The following CSNK1G1 variants were observed in gnomAD, a reference collection of about 807,000 sequenced individuals.
CSNK1G1 encodes casein kinase 1 gamma 1, also known as casein kinase I isoform gamma-1.
A neutral mutation model predicts 59.6 loss-of-function variants in CSNK1G1; 22 were observed. That is an observed-to-expected ratio of 0.37 (90% confidence interval 0.26 to 0.53). The LOEUF is 0.53. Among genes scored for constraint, CSNK1G1 ranks in the 20% least tolerant of loss-of-function variants. The pLI, the probability that CSNK1G1 is intolerant of heterozygous loss-of-function variation, is 0.89. For missense variants in CSNK1G1, 384 were observed against 519.5 expected, an observed-to-expected ratio of 0.74 and a Z score of 2.54; for synonymous variants, 179 against 177.1, an observed-to-expected ratio of 1.01 and a Z score of -0.08.
Position 64,189,964 on chromosome 15 carries a change from G to A in CSNK1G1, c.1108-9510C>T, listed in dbSNP as rs368803027. On this transcript the variant is annotated intron_variant, in intron 10 of 11. Coordinates refer to ENST00000303052, the MANE Select transcript of CSNK1G1 (RefSeq NM_022048.5). ...CTCCTGAGTAGTTGGGACTACAGGCGCGCAGCACCATGCCCGGCTAATTTT... is the reference window on the plus strand; with the variant it reads ...CTCCTGAGTAGTTGGGACTACAGGCACGCAGCACCATGCCCGGCTAATTTT... Among the ~76,000 whole-genome samples the A allele has an allele frequency of 8.5e-5, 13 of 152,130 alleles. No homozygotes were observed. The South Asian group carries it at 1.5e-3, about 17-fold the overall frequency.
At chr15:64,231,726 TC>T (rs1199790817) in intron 4 of CSNK1G1, among the ~76,000 whole-genome samples, 6 of 152,124 alleles carry the variant, frequency 3.9e-5, no homozygotes, top group Non-Finnish European at 8.8e-5. Flanking sequence ...AAACCTTTTC[TC>T]TTTCTCAAAA....
intron 1 of CSNK1G1, among the ~76,000 whole-genome samples, chr15:64,308,409 T>G (rs916312387): frequency 6.7e-6 from 1 of 148,540 alleles, no homozygotes; most frequent in Non-Finnish European, 1.5e-5. Flanking sequence ...CCACTAGTTA[T>G]ATACACATTT....
At chr15:64,334,393 AC>A (rs1165129981) in intron 1 of CSNK1G1, among the ~76,000 whole-genome samples, 1 of 151,830 alleles carries the variant, frequency 6.6e-6, no homozygotes, top group East Asian at 1.9e-4. Flanking sequence ...TTTTCCACAG[AC>A]TGGGGGTGGA....
At chr15:64,269,696 G>T (rs1205418030) in intron 2 of CSNK1G1, among the ~76,000 whole-genome samples, 1 of 152,072 alleles carries the variant, frequency 6.6e-6, no homozygotes, top group African/African-American at 2.4e-5. Context: ...GTTTTGCCAT[G>T]TTGGCCAGAC....
intron 1 of CSNK1G1, among the ~76,000 whole-genome samples, chr15:64,339,738 C>T (rs1161133673): frequency 6.6e-6 from 1 of 152,226 alleles, no homozygotes; most frequent in African/African-American, 2.4e-5. Flanking sequence ...AGCAGTAGTG[C>T]CCACTGACAA....
chr15:64,275,930 A>G (rs1337351676), intron 2 of CSNK1G1, among the ~76,000 whole-genome samples: 3 of 152,214 alleles, frequency 2.0e-5, no homozygotes, highest in Non-Finnish European at 2.9e-5. Context: ...TCTAAAAAGC[A>G]GTTTCAATTA....
At chr15:64,244,826 GA>G (rs903983693) in intron 4 of CSNK1G1, among the ~76,000 whole-genome samples, 15 of 149,308 alleles carry the variant, frequency 1.0e-4, no homozygotes, top group African/African-American at 3.7e-4. Flanking sequence ...TCAAGGCGGG[GA>G]AAAAAAAACA....
intron 10 of CSNK1G1, among the ~76,000 whole-genome samples, chr15:64,183,405 T>A (rs777395619): frequency 2.0e-5 from 3 of 152,220 alleles, no homozygotes; most frequent in Non-Finnish European, 2.9e-5. Context: ...TACCTAAGAC[T>A]TAAAGGCTAC....
chr15:64,241,014 C>T (rs185906241), intron 4 of CSNK1G1, among the ~76,000 whole-genome samples: 12 of 152,246 alleles, frequency 7.9e-5, no homozygotes, highest in South Asian at 4.1e-4. Flanking sequence ...AGTAATTCCT[C>T]ACCTGTGAAA....
At chr15:64,355,670 G>A (rs1302611375) in intron 1 of CSNK1G1, among the ~76,000 whole-genome samples, 5 of 152,128 alleles carry the variant, frequency 3.3e-5, no homozygotes, top group Non-Finnish European at 5.9e-5. Flanking sequence ...TTGGCTCCCG[G>A]GGGATGCTCC....
In CSNK1G1 at chr15:64,167,366, C is replaced by CAAAGGAATCCCAATTTGATTCCT. The variant is rs2081614128; in HGVS notation, c.*4542_*4564dup. ...ACAACAAAAAAACAAAACCCAAAGC[C>CAAAGGAATCCCAATTTGATTCCT]AAAGGAATCCCAATTTGATTCCTAT... On this transcript the variant is annotated 3_prime_UTR_variant, in exon 12 of 12. Coordinates refer to ENST00000303052, the MANE Select transcript of CSNK1G1 (RefSeq NM_022048.5). 1 of 152,514 alleles carries CAAAGGAATCCCAATTTGATTCCT rather than the reference C, an allele frequency of 6.6e-6. No homozygotes were observed. The highest frequency in any genetic ancestry group is 6.5e-5 in the Admixed American group (1 of 15,282). The allele number at this position is 152,514 out of a possible 1,614,324, so 9.4% of individuals were successfully genotyped here. A position where few individuals can be genotyped will look rare whatever the true frequency, so the allele number is the denominator to read the frequency against.
chr15:64,242,327 T>C (rs1891514723), intron 4 of CSNK1G1, among the ~76,000 whole-genome samples: 1 of 152,214 alleles, frequency 6.6e-6, no homozygotes, highest in East Asian at 1.9e-4. Context: ...GTGGGAGGTG[T>C]TTGAATCATG....
intron 11 of CSNK1G1, 50 bp downstream of exon 11, chr15:64,180,298 A>T: frequency 7.3e-7 from 1 of 1,365,198 alleles, no homozygotes; most frequent in East Asian, 2.3e-5. Context: ...AAGAGACAGA[A>T]AAGATTTTTC....
intron 2 of CSNK1G1, among the ~76,000 whole-genome samples, chr15:64,277,932 T>TAATAATATATTAATATTGATATAGTTG (rs1379949997): frequency 1.4e-5 from 2 of 144,640 alleles, no homozygotes; most frequent in Non-Finnish European, 3.0e-5. Context: ...TTGATATATT[T>TAATAATATATTAATATTGATATAGTTG]AATAATATAT....
chr15:64,272,816 G>A (rs1893395465), intron 2 of CSNK1G1, among the ~76,000 whole-genome samples: 1 of 152,104 alleles, frequency 6.6e-6, no homozygotes, highest in Admixed American at 6.6e-5. Flanking sequence ...TGCAATCACA[G>A]CTCACTGCAG....
chr15:64,272,376 T>G (rs55961645), intron 2 of CSNK1G1, among the ~76,000 whole-genome samples: 6,731 of 152,210 alleles, frequency 0.044, 196 homozygotes, highest in South Asian at 0.085. Flanking sequence ...CCACTATGCC[T>G]GGCTAATTTT....
At chr15:64,181,599 G>A in intron 10 of CSNK1G1, 3 of 630,346 alleles carry the variant, frequency 4.8e-6, no homozygotes, top group East Asian at 3.3e-5. Context: ...AAGGGAAGCA[G>A]CATAGTGTAG....
intron 11 of CSNK1G1, among the ~76,000 whole-genome samples, chr15:64,178,627 G>A (rs965244523): frequency 2.0e-5 from 3 of 151,544 alleles, no homozygotes; most frequent in African/African-American, 7.3e-5. Flanking sequence ...GACTACAGAC[G>A]CATGCCACCA....
intron 8 of CSNK1G1, 112 bp from the exon 9 acceptor site, chr15:64,204,701 T>A (rs2082154424): frequency 7.9e-7 from 1 of 1,267,500 alleles, no homozygotes; most frequent in South Asian, 1.3e-5. Flanking sequence ...TTGACACTGA[T>A]GTTTTCTTTA....
Sources: allele counts gnomAD v4.1 joint callset (sites outside exome capture counted in the v4.1 genomes callset), GRCh38; gene constraint gnomAD v4.1.1; transcripts MANE v1.5; gene names NCBI Gene and HGNC (gene_info 2026-07-23, HGNC 2026-07-21).